The following PACRG variants were observed in gnomAD, a reference collection of about 807,000 sequenced individuals.
The protein encoded by PACRG is parkin coregulated gene protein.
In PACRG, 29 loss-of-function variants were observed where a neutral mutation model predicts 29.7. The ratio of observed to expected loss-of-function variants is 0.98; its 90% CI spans 0.73 to 1.33. The LOEUF is 1.33. PACRG is among the 40% of genes most tolerant of loss of function. The pLI is 0.00. For synonymous variants in PACRG, 116 were observed against 118.7 expected, an observed-to-expected ratio of 0.98 and a Z score of 0.15; for missense variants, 279 against 316.2, an observed-to-expected ratio of 0.88 and a Z score of 0.89.
At chr6:163,122,098 C>T (rs1816306061) in intron 4 of PACRG, among the ~76,000 whole-genome samples, 4 of 151,972 alleles carry the variant, frequency 2.6e-5, no homozygotes, top group Non-Finnish European at 5.9e-5. Context: ...TATTAGATAC[C>T]TACTATGGGC....
intron 1 of PACRG, among the ~76,000 whole-genome samples, chr6:162,741,116 A>G (rs1403365369): frequency 1.3e-5 from 2 of 152,230 alleles, no homozygotes; most frequent in Non-Finnish European, 2.9e-5. Flanking sequence ...GCTTAAAAAA[A>G]CAAGCATAAA....
intron 4 of PACRG, among the ~76,000 whole-genome samples, chr6:163,102,556 A>T (rs563970953): frequency 6.6e-6 from 1 of 152,150 alleles, no homozygotes. Flanking sequence ...TGAAATTTCT[A>T]AGAGTATTTT....
chr6:162,728,294 G>C lies in PACRG; in HGVS notation c.59G>C (p.Arg20Thr). 3.1e-6 allele frequency: 5 copies of C among 1,614,058 alleles called. No individual in the cohort carries two copies. Among genetic ancestry groups the C allele is most frequent in the Non-Finnish European group, 4.2e-6 (5 of 1,180,030 alleles). ...AAATGCCCAGACAAGATGCCGAAGA[G>C]GACCAAGCTGCTGGCACAACAGCCG... is the stretch of plus-strand genomic sequence containing the variant. Reference protein sequence around the residue: ...LNKCPDKMPKRTKLLAQQPLP... With the variant: ...LNKCPDKMPKTTKLLAQQPLP... Residue 20 changes from arginine (R) to threonine (T), a missense_variant, in exon 1 of 5, where the codon AGG becomes ACG. Arg to Thr is a moderately conservative substitution (Grantham distance 71). Transcript: ENST00000366888.
chr6:162,842,283 T>TA, intron 2 of PACRG, among the ~76,000 whole-genome samples: 1 of 138,408 alleles, frequency 7.2e-6, no homozygotes, highest in East Asian at 2.2e-4. Flanking sequence ...GGTGCTCCTG[T>TA]ATTGGGTGCA....
intron 4 of PACRG, among the ~76,000 whole-genome samples, chr6:163,283,529 G>A (rs537523922): frequency 5.8e-4 from 88 of 152,316 alleles, no homozygotes; most frequent in Middle Eastern, 3.4e-3. Context: ...GGCCGGGCGC[G>A]GTGGCTCACG....
At chr6:163,137,314 C>T (rs1023159514) in intron 4 of PACRG, among the ~76,000 whole-genome samples, 1 of 152,070 alleles carries the variant, frequency 6.6e-6, no homozygotes, top group Non-Finnish European at 1.5e-5. Flanking sequence ...ATTGACCATA[C>T]TAGATTTTCC....
At chr6:163,205,049 T>C (rs1050176977) in intron 4 of PACRG, among the ~76,000 whole-genome samples, 5 of 152,200 alleles carry the variant, frequency 3.3e-5, no homozygotes, top group African/African-American at 1.2e-4. Flanking sequence ...TGCAAAAGAC[T>C]GCTCAAAGAA....
At chr6:162,898,927 T>G (rs991288170) in intron 2 of PACRG, among the ~76,000 whole-genome samples, 1 of 152,246 alleles carries the variant, frequency 6.6e-6, no homozygotes, top group African/African-American at 2.4e-5. Context: ...TGTCCCTATT[T>G]CATTATTTAG....
At chr6:163,195,859 G>A (rs1780430681) in intron 4 of PACRG, among the ~76,000 whole-genome samples, 1 of 152,206 alleles carries the variant, frequency 6.6e-6, no homozygotes, top group Non-Finnish European at 1.5e-5. Flanking sequence ...GCCCCTGGGT[G>A]TCTCCGCTGG....
intron 2 of PACRG, among the ~76,000 whole-genome samples, chr6:162,914,373 A>G (rs1272347504): frequency 6.6e-6 from 1 of 152,130 alleles, no homozygotes; most frequent in Non-Finnish European, 1.5e-5. Context: ...CATATGGAAT[A>G]GAATAGACGG....
intron 1 of PACRG, among the ~76,000 whole-genome samples, chr6:162,791,311 G>GTTTTTTTTTTT (rs60664405): frequency 1.6e-5 from 2 of 128,810 alleles, no homozygotes; most frequent in East Asian, 2.3e-4. Context: ...TTGTTTGTTT[G>GTTTTTTTTTTT]TTTTTTTTTT....
chr6:163,219,760 C>A (rs1781502907), intron 4 of PACRG, among the ~76,000 whole-genome samples: 2 of 152,048 alleles, frequency 1.3e-5, no homozygotes, highest in African/African-American at 4.8e-5. Context: ...CTCCCTCCCT[C>A]CTACCAGCAT....
chr6:162,932,844 T>C (rs1286444270), intron 2 of PACRG, among the ~76,000 whole-genome samples: 1 of 152,004 alleles, frequency 6.6e-6, no homozygotes, highest in Non-Finnish European at 1.5e-5. Context: ...TTCAGATTTC[T>C]AAAATATTTT....
rs918654819 is a variant in PACRG, at chr6:163,078,273, G to T, written c.464-10986G>T. ...CCCAGCACTCTGGGAGGCCGAGGTG[G>T]GTGGGTCACCTGAGGTCAGAAGTTC... On this transcript the variant is annotated intron_variant, in intron 3 of 4. Transcript: ENST00000366888. Among the ~76,000 whole-genome samples the T allele has an allele frequency of 3.9e-5, 6 of 152,122 alleles. No individual in the cohort carries two copies. In the East Asian group the frequency reaches 1.2e-3, roughly 29 times the overall value.
intron 4 of PACRG, among the ~76,000 whole-genome samples, chr6:163,187,457 C>G (rs1487132589): frequency 6.6e-6 from 1 of 152,146 alleles, no homozygotes; most frequent in Non-Finnish European, 1.5e-5. Flanking sequence ...CAACTGAGAG[C>G]CCGCGCTCCT....
intron 1 of PACRG, among the ~76,000 whole-genome samples, chr6:162,803,223 A>G (rs1442455211): frequency 2.6e-5 from 4 of 152,172 alleles, no homozygotes; most frequent in African/African-American, 9.7e-5. Context: ...GGAAGGAGAA[A>G]AGAAAAGAGT....
At chr6:162,790,522 A>T (rs1232741276) in intron 1 of PACRG, among the ~76,000 whole-genome samples, 1 of 152,080 alleles carries the variant, frequency 6.6e-6, no homozygotes, top group Admixed American at 6.6e-5. Flanking sequence ...CTCCATATAT[A>T]TATATATATT....
At chr6:163,135,292 G>A (rs1816889229) in intron 4 of PACRG, among the ~76,000 whole-genome samples, 1 of 151,634 alleles carries the variant, frequency 6.6e-6, no homozygotes, top group Non-Finnish European at 1.5e-5. Context: ...CGGTTCAAGC[G>A]ATTCTCCTGC....
At chr6:163,246,909 T>G (rs1469876160) in intron 4 of PACRG, among the ~76,000 whole-genome samples, 1 of 152,240 alleles carries the variant, frequency 6.6e-6, no homozygotes, top group Non-Finnish European at 1.5e-5. Context: ...TTTAACAGAA[T>G]AAGACTTTTC....
Sources: gnomAD v4.1 joint callset for allele counts (sites outside exome capture counted in the v4.1 genomes callset) on GRCh38, gnomAD v4.1.1 for gene constraint, MANE v1.5 for transcripts, NCBI Gene and HGNC (gene_info 2026-07-23, HGNC 2026-07-21) for gene names.